Variants in UNC79 observed in about 807,000 individuals in gnomAD.
The protein encoded by UNC79 is protein unc-79 homolog.
UNC79 carries 37 observed loss-of-function variants against 283.1 expected under a neutral mutation model. The observed-to-expected ratio is 0.13, with a 90% CI of 0.10 to 0.17. UNC79 has a LOEUF of 0.17. Ranked by LOEUF, UNC79 falls within the 10% of genes least tolerant of loss-of-function variation. The pLI is 1.00. For synonymous variants in UNC79, 1,107 were observed against 1,200.2 expected (o/e 0.92, Z 1.61); for missense variants, 2,272 against 3,211.1 (o/e 0.71, Z 7.07).
intron 1 of UNC79, among the ~76,000 whole-genome samples, chr14:93,436,168 C>T (rs569492878): frequency 6.6e-6 from 1 of 152,042 alleles, no homozygotes; most frequent in South Asian, 2.1e-4. Context: ...ATTACATAAC[C>T]AAGTGTTTGG....
chr14:93,604,591 A>G (rs1008389861), intron 26 of UNC79, among the ~76,000 whole-genome samples: 10 of 152,240 alleles, frequency 6.6e-5, no homozygotes, highest in African/African-American at 2.2e-4. Flanking sequence ...AACAAATTTT[A>G]TATGAGTTTC....
intron 40 of UNC79, among the ~76,000 whole-genome samples, chr14:93,667,293 C>G (rs2072316000): frequency 6.6e-6 from 1 of 152,066 alleles, no homozygotes; most frequent in African/African-American, 2.4e-5. Flanking sequence ...ATCAATACAA[C>G]AGAAAGGTGG....
intron 4 of UNC79, among the ~76,000 whole-genome samples, chr14:93,481,040 T>C (rs973214113): frequency 1.3e-5 from 2 of 152,160 alleles, no homozygotes; most frequent in Non-Finnish European, 2.9e-5. Context: ...ATTGCAGCTC[T>C]TCAGAGTAAG....
At chr14:93,594,423 C>T (rs2064911592) in intron 23 of UNC79, among the ~76,000 whole-genome samples, 1 of 152,118 alleles carries the variant, frequency 6.6e-6, no homozygotes, top group African/African-American at 2.4e-5. Flanking sequence ...GTGCATGCTA[C>T]TACACCAGGC....
chr14:93,470,122 A>G (rs1023828976), intron 2 of UNC79, among the ~76,000 whole-genome samples: 3 of 152,208 alleles, frequency 2.0e-5, no homozygotes, highest in African/African-American at 7.2e-5. Context: ...ATGAATTCTC[A>G]CGAAGTAACT....
Position 93,658,330 on chromosome 14 carries a change from A to C in UNC79, c.6457-863A>C, listed in dbSNP as rs935959288. 5.9e-5 allele frequency among the ~76,000 whole-genome samples: 9 copies of C among 152,220 alleles called. No homozygotes were observed. In the South Asian group the frequency reaches 1.7e-3, roughly 28 times the overall value. The stretch of plus-strand genomic sequence containing the variant: ...CACAACTTACTGGGCCTGATTTGGG[A>C]GTTTCTGATTCAGCAGGGGTAGGGC... On this transcript the variant is annotated intron_variant, in intron 38 of 48. Transcript: ENST00000555664.
intron 1 of UNC79, among the ~76,000 whole-genome samples, chr14:93,420,378 A>G (rs2055569970): frequency 6.6e-6 from 1 of 151,794 alleles, no homozygotes; most frequent in South Asian, 2.1e-4. Flanking sequence ...AGGCCAGTAT[A>G]TAATGATAAA....
intron 14 of UNC79, among the ~76,000 whole-genome samples, chr14:93,556,879 G>A (rs2062206855): frequency 6.6e-6 from 1 of 152,134 alleles, no homozygotes; most frequent in South Asian, 2.1e-4. Context: ...GGGACAAACA[G>A]CCAATGCCTC....
Position 93,395,296 on chromosome 14 carries a change from T to TA in UNC79, c.-351+61779dup, listed in dbSNP as rs550060959. 2.1e-3 allele frequency among the ~76,000 whole-genome samples: 317 copies of TA among 152,324 alleles called. 1 individual carries two copies. The highest frequency in any genetic ancestry group is 3.4e-3 in the Non-Finnish European group (229 of 68,036). On this transcript the variant is annotated intron_variant, in intron 1 of 49. Coordinates refer to the UNC79 transcript ENST00000256339. Reference sequence around the variant, plus strand: ...GTATTAGTTTGTTCTCAGACTGCTATAAAAAACTATTGTAGACTAGGTAAT... The same window carrying TA: ...GTATTAGTTTGTTCTCAGACTGCTATAAAAAAACTATTGTAGACTAGGTAAT...
At chr14:93,484,211 G>A (rs2058292919) in intron 4 of UNC79, among the ~76,000 whole-genome samples, 2 of 152,132 alleles carry the variant, frequency 1.3e-5, no homozygotes, top group Admixed American at 6.5e-5. Flanking sequence ...ACTTTTTAAT[G>A]ATGACTTGTC....
chr14:93,586,033 C>T (rs2064201063), intron 20 of UNC79, among the ~76,000 whole-genome samples: 1 of 152,098 alleles, frequency 6.6e-6, no homozygotes, highest in Non-Finnish European at 1.5e-5. Context: ...AGATGCCCAC[C>T]ATCATGCCTG....
Position 93,690,153 on chromosome 14 carries a change from A to G in UNC79, c.7122A>G (p.Arg2374=). 6.2e-7 allele frequency: 1 copy of G among 1,614,092 alleles called. No individual in the cohort carries two copies. Among genetic ancestry groups the G allele is most frequent in the Non-Finnish European group, 8.5e-7 (1 of 1,180,014 alleles). Residue 2374 remains arginine, a synonymous_variant, in exon 45 of 49, where the codon CGA becomes CGG. Transcript: ENST00000555664. This position sits in a 1 kb window ranked among gnomAD's most constrained non-coding sequence, Gnocchi z 4.3. Reference sequence around the variant, plus strand: ...TCATTGAGTGTGTCTCCCATATCCGACTGTTGTCCTGGCTGCTGCTGGGTT... The same window carrying G: ...TCATTGAGTGTGTCTCCCATATCCGGCTGTTGTCCTGGCTGCTGCTGGGTT...
exon 27 of UNC79, chr14:93,612,877 C>G (rs772511734): frequency 6.2e-7 from 1 of 1,614,116 alleles, no homozygotes; most frequent in South Asian, 1.1e-5. Flanking sequence ...GACAGTTCAC[C>G]AGCTGATTAC....
chr14:93,413,550 G>C (rs1385197906), intron 1 of UNC79, among the ~76,000 whole-genome samples: 2 of 133,468 alleles, frequency 1.5e-5, no homozygotes, highest in Non-Finnish European at 3.2e-5. Flanking sequence ...CCAGTAATGG[G>C]ATGGCTGGGT....
chr14:93,642,085 T>G (rs1566839895), intron 33 of UNC79, among the ~76,000 whole-genome samples: 1 of 152,122 alleles, frequency 6.6e-6, no homozygotes, highest in African/African-American at 2.4e-5. Context: ...GGGTATGTCT[T>G]TATTAGCAGC....
intron 25 of UNC79, among the ~76,000 whole-genome samples, chr14:93,601,807 A>T (rs771456119): frequency 6.6e-6 from 1 of 152,180 alleles, no homozygotes; most frequent in Admixed American, 6.5e-5. Flanking sequence ...TGCAGGAGTA[A>T]GGTGGTATCT....
intron 1 of UNC79, among the ~76,000 whole-genome samples, chr14:93,388,882 A>G (rs909221511): frequency 6.6e-6 from 1 of 152,200 alleles, no homozygotes; most frequent in East Asian, 1.9e-4. Flanking sequence ...AGAATAATTG[A>G]TCAATCATTT....
intron 1 of UNC79, among the ~76,000 whole-genome samples, chr14:93,463,783 A>G (rs534222293): frequency 4.6e-5 from 7 of 152,318 alleles, no homozygotes; most frequent in Non-Finnish European, 8.8e-5. Context: ...ATTGGGCTTA[A>G]GTGGAGATAG....
At chr14:93,396,413 G>C (rs974102534) in intron 1 of UNC79, among the ~76,000 whole-genome samples, 2 of 151,908 alleles carry the variant, frequency 1.3e-5, no homozygotes, top group African/African-American at 4.8e-5. Flanking sequence ...TCCAGTATCT[G>C]GGATTTCTTA....
Sources: allele counts gnomAD v4.1 joint callset (sites outside exome capture counted in the v4.1 genomes callset), GRCh38; gene constraint gnomAD v4.1.1; non-coding constraint Gnocchi (gnomAD v3.1); transcripts MANE v1.5; gene names NCBI Gene and HGNC (gene_info 2026-07-23, HGNC 2026-07-21).